CDK19: variants seen among roughly 807,000 people sequenced by gnomAD.
The protein encoded by CDK19 is cyclin-dependent kinase 19.
Under a neutral mutation model 68.3 loss-of-function variants are expected in CDK19, and 20 were observed. The ratio of observed to expected loss-of-function variants is 0.29; its 90% CI spans 0.21 to 0.43. The LOEUF is 0.43. CDK19 is among the 20% of genes least tolerant of loss of function. CDK19 has a pLI of 1.00. For missense variants in CDK19, 339 were observed against 623.5 expected, an observed-to-expected ratio of 0.54 and a Z score of 4.86; for synonymous variants, 221 against 222.8, an observed-to-expected ratio of 0.99 and a Z score of 0.07.
chr6:110,747,768 T>C (rs1402413611), intron 1 of CDK19, among the ~76,000 whole-genome samples: 2 of 152,200 alleles, frequency 1.3e-5, no homozygotes, highest in Non-Finnish European at 2.9e-5. Context: ...GTTTAAATGA[T>C]CATTTTTTCC....
At chr6:110,642,241 G>A (rs529578132) in intron 4 of CDK19, among the ~76,000 whole-genome samples, 10 of 151,556 alleles carry the variant, frequency 6.6e-5, no homozygotes, top group South Asian at 6.3e-4. Flanking sequence ...GCGGGAAAGC[G>A]GAGGTTGCAG....
At chr6:110,701,215 A>G (rs1484838737) in intron 2 of CDK19, among the ~76,000 whole-genome samples, 5 of 149,602 alleles carry the variant, frequency 3.3e-5, no homozygotes, top group African/African-American at 1.2e-4. Flanking sequence ...AAAAAAATTA[A>G]TTAATTAATT....
At chr6:110,806,339 T>C (rs1405226460) in intron 1 of CDK19, among the ~76,000 whole-genome samples, 3 of 93,928 alleles carry the variant, frequency 3.2e-5, no homozygotes, top group Non-Finnish European at 8.0e-5. Context: ...AAACTCCATC[T>C]CAAAAAAAAA....
chr6:110,692,443 A>C (rs1582876733), intron 2 of CDK19, among the ~76,000 whole-genome samples: 1 of 152,184 alleles, frequency 6.6e-6, no homozygotes, highest in African/African-American at 2.4e-5. Context: ...AAGGAAAAAA[A>C]AAAGAATTTG....
chr6:110,638,134 A>G (rs1443406809), intron 5 of CDK19, among the ~76,000 whole-genome samples: 1 of 152,194 alleles, frequency 6.6e-6, no homozygotes, highest in Non-Finnish European at 1.5e-5. Context: ...GCCTCAATCT[A>G]AGAGAGGCAG....
intron 1 of CDK19, among the ~76,000 whole-genome samples, chr6:110,759,440 T>C (rs1268938273): frequency 7.8e-6 from 1 of 128,478 alleles, no homozygotes; most frequent in Non-Finnish European, 1.6e-5. Context: ...TATATATATA[T>C]ATATATATAT....
At chr6:110,644,465 C>T (rs1346905576) in intron 4 of CDK19, among the ~76,000 whole-genome samples, 1 of 151,960 alleles carries the variant, frequency 6.6e-6, no homozygotes, top group African/African-American at 2.4e-5. Context: ...AACAGGGTGA[C>T]TACAGTCAAT....
chr6:110,700,928 C>T (rs549937248), intron 2 of CDK19: 9 of 153,144 alleles, frequency 5.9e-5, no homozygotes, highest in African/African-American at 1.9e-4. Context: ...ATTAATTGGC[C>T]GGGCGCGGTG....
At chr6:110,643,229 C>G (rs11756909) in intron 4 of CDK19, 5 of 1,275,704 alleles carry the variant, frequency 3.9e-6, no homozygotes, top group Non-Finnish European at 4.1e-6. Flanking sequence ...CATTTTCCAG[C>G]TAAAAGACAC....
chr6:110,735,428 T>C (rs112423129), intron 2 of CDK19, among the ~76,000 whole-genome samples: 13 of 152,258 alleles, frequency 8.5e-5, no homozygotes, highest in African/African-American at 3.1e-4. Context: ...ACAGCCCACT[T>C]TGTTCCAAGC....
intron 4 of CDK19, chr6:110,646,320 G>C: frequency 6.7e-7 from 1 of 1,485,602 alleles, no homozygotes; most frequent in East Asian, 2.5e-5. Flanking sequence ...CTACCTGCGC[G>C]AACGGGCCCA....
intron 1 of CDK19, among the ~76,000 whole-genome samples, chr6:110,750,918 C>G (rs571391890): frequency 6.6e-6 from 1 of 152,306 alleles, no homozygotes; most frequent in Non-Finnish European, 1.5e-5. Flanking sequence ...TTCACTGCAA[C>G]CTCCGCTTCC....
chr6:110,638,878 C>A (rs1219323900), intron 4 of CDK19, among the ~76,000 whole-genome samples, 172 bp from the exon 5 acceptor site: 6 of 152,184 alleles, frequency 3.9e-5, no homozygotes, highest in Non-Finnish European at 2.9e-5. Flanking sequence ...GAAGTCAGCA[C>A]TAACTTTATA....
intron 1 of CDK19, among the ~76,000 whole-genome samples, chr6:110,799,403 G>C (rs1782192219): frequency 6.6e-6 from 1 of 151,998 alleles, no homozygotes; most frequent in African/African-American, 2.4e-5. Context: ...GTTGGTTTCA[G>C]TTCCTTCCAA....
chr6:110,630,496 C>T (rs1052987989), intron 6 of CDK19, among the ~76,000 whole-genome samples: 1 of 152,154 alleles, frequency 6.6e-6, no homozygotes, highest in Non-Finnish European at 1.5e-5. Flanking sequence ...ACCTAAATGA[C>T]AGAAAAAACA....
intron 2 of CDK19, among the ~76,000 whole-genome samples, chr6:110,711,905 G>A (rs377423310): frequency 3.3e-5 from 5 of 152,234 alleles, no homozygotes; most frequent in South Asian, 2.1e-4. Flanking sequence ...GCTGGGGGGC[G>A]GAGGTTGTAG....
intron 2 of CDK19, among the ~76,000 whole-genome samples, chr6:110,674,255 G>C (rs905961541): frequency 2.6e-5 from 4 of 152,046 alleles, no homozygotes; most frequent in African/African-American, 7.2e-5. Flanking sequence ...CCCTCTCTTC[G>C]GGCCTCTCTA....
intron 2 of CDK19, among the ~76,000 whole-genome samples, chr6:110,709,927 C>T (rs1774818654): frequency 6.6e-6 from 1 of 152,058 alleles, no homozygotes; most frequent in African/African-American, 2.4e-5. Flanking sequence ...CTGAATATCA[C>T]TATGTATTAT....
At chr6:110,785,920 T>A (rs775942908) in intron 1 of CDK19, among the ~76,000 whole-genome samples, 1 of 151,390 alleles carries the variant, frequency 6.6e-6, no homozygotes, top group South Asian at 2.1e-4. Context: ...GCAGAGATTG[T>A]CGTGAGTCGA....
Sources: allele counts gnomAD v4.1 joint callset (sites outside exome capture counted in the v4.1 genomes callset), GRCh38; gene constraint gnomAD v4.1.1; transcripts MANE v1.5; gene names NCBI Gene and HGNC (gene_info 2026-07-23, HGNC 2026-07-21).